Variants in THSD7A observed in about 807,000 individuals in gnomAD.
The protein encoded by THSD7A is thrombospondin type-1 domain-containing protein 7A.
A neutral mutation model predicts 231.3 loss-of-function variants in THSD7A; 96 were observed. That is an observed-to-expected ratio of 0.41 (90% CI 0.35 to 0.49). THSD7A has a LOEUF of 0.49. Ranked by LOEUF, THSD7A falls within the 20% of genes least tolerant of loss-of-function variation. The pLI, the probability that THSD7A is intolerant of heterozygous loss-of-function variation, is 0.05. For missense variants in THSD7A, 2,290 were observed against 2,070.2 expected (o/e 1.11, Z -2.06); for synonymous variants, 940 against 743.3 (o/e 1.26, Z -4.30).
At chr7:11,426,013 C>T (rs1185117894) in intron 15 of THSD7A, among the ~76,000 whole-genome samples, 2 of 150,656 alleles carry the variant, frequency 1.3e-5, no homozygotes, top group Non-Finnish European at 2.9e-5. Flanking sequence ...ACATATGTAA[C>T]TAACCTGCAC....
intron 23 of THSD7A, among the ~76,000 whole-genome samples, chr7:11,393,917 A>G (rs1783080462): frequency 1.3e-5 from 2 of 151,394 alleles, no homozygotes; most frequent in African/African-American, 2.4e-5. Context: ...GATGGGGAGA[A>G]TGGAACCAAG....
chr7:11,616,502 G>C (rs1318820282), intron 2 of THSD7A, among the ~76,000 whole-genome samples: 1 of 152,160 alleles, frequency 6.6e-6, no homozygotes, highest in Non-Finnish European at 1.5e-5. Context: ...ATTTTTTGCA[G>C]TGTATTGCTT....
intron 1 of THSD7A, among the ~76,000 whole-genome samples, chr7:11,828,287 G>A (rs1165074558): frequency 1.3e-5 from 2 of 152,216 alleles, no homozygotes; most frequent in African/African-American, 2.4e-5. Flanking sequence ...TTGAGGTGCT[G>A]TGTACTACTG....
chr7:11,569,682 G>A (rs10046587), intron 4 of THSD7A, among the ~76,000 whole-genome samples: 3,847 of 152,192 alleles, frequency 0.025, 165 homozygotes, highest in African/African-American at 0.086. Context: ...TCTATCTGAA[G>A]GAAAGAAAAT....
At chr7:11,535,133 C>A (rs1583923939) in intron 6 of THSD7A, among the ~76,000 whole-genome samples, 1 of 152,052 alleles carries the variant, frequency 6.6e-6, no homozygotes, top group African/African-American at 2.4e-5. Flanking sequence ...ATTATTTACT[C>A]AATTTTTATC....
At position 11,445,519 on chromosome 7, in the gene THSD7A, A is replaced by ATGTG. The variant is rs10691034; in HGVS notation, c.3064+538_3064+541dup. On this transcript the variant is annotated intron_variant, in intron 13 of 27. Coordinates refer to ENST00000423059, the MANE Select transcript of THSD7A (RefSeq NM_015204.3). ...TTCTTTTTGTTTGTTCGTTTGTTTT[A>ATGTG]TGTGTGTGTGTGTGTGTGTGTGTGT... Among the ~76,000 whole-genome samples the ATGTG allele has an allele frequency of 7.1e-3, 1,055 of 149,170 alleles. 4 individuals carry two copies. Among genetic ancestry groups the ATGTG allele is most frequent in the Middle Eastern group, 0.01 (3 of 286 alleles).
At chr7:11,829,625 TTTCTC>T (rs1422440192) in intron 1 of THSD7A, among the ~76,000 whole-genome samples, 1 of 152,138 alleles carries the variant, frequency 6.6e-6, no homozygotes, top group South Asian at 2.1e-4. Context: ...TGTCACCTCT[TTTCTC>T]TTCCAATTCC....
intron 6 of THSD7A, among the ~76,000 whole-genome samples, chr7:11,520,820 T>C (rs1393176447): frequency 2.0e-5 from 3 of 152,170 alleles, no homozygotes; most frequent in African/African-American, 4.8e-5. Context: ...CCTTCTTCTG[T>C]TGGATAATCC....
intron 1 of THSD7A, among the ~76,000 whole-genome samples, chr7:11,764,360 T>A (rs1782962374): frequency 6.6e-6 from 1 of 152,068 alleles, no homozygotes; most frequent in South Asian, 2.1e-4. Flanking sequence ...GGCGGGTGGA[T>A]CACGAGGTCA....
Position 11,654,456 on chromosome 7 carries a change from A to G in THSD7A, c.191-17495T>C, listed in dbSNP as rs115398570. ...GTTCTTTAATAACTGTGGACACGAC[A>G]TTTTATCTCTAACTAGAAAAATCTT... On this transcript the variant is annotated intron_variant, in intron 1 of 27. Coordinates refer to ENST00000423059, the MANE Select transcript of THSD7A (RefSeq NM_015204.3). Among the ~76,000 whole-genome samples, 1,461 of 152,096 alleles carry G rather than the reference A, an allele frequency of 9.6e-3. 29 individuals are homozygous for G. The highest frequency in any genetic ancestry group is 0.034 in the African/African-American group (1,410 of 41,524).
intron 1 of THSD7A, among the ~76,000 whole-genome samples, chr7:11,702,310 C>G (rs750776689): frequency 7.3e-5 from 11 of 151,152 alleles, no homozygotes; most frequent in Non-Finnish European, 1.6e-4. Context: ...GGCGAAAAAT[C>G]CACGACCAAG....
chr7:11,619,537 T>C (rs1348107429), intron 2 of THSD7A, among the ~76,000 whole-genome samples: 3 of 151,580 alleles, frequency 2.0e-5, no homozygotes, highest in African/African-American at 7.3e-5. Flanking sequence ...GCCTCTGGAG[T>C]AGCTAGGACT....
intron 6 of THSD7A, among the ~76,000 whole-genome samples, chr7:11,538,594 A>G (rs1789012081): frequency 6.6e-6 from 1 of 152,182 alleles, no homozygotes; most frequent in Non-Finnish European, 1.5e-5. Flanking sequence ...AGATCTTTGG[A>G]GTAGGTTCCT....
At chr7:11,825,652 A>G (rs1785003368) in intron 1 of THSD7A, among the ~76,000 whole-genome samples, 2 of 152,188 alleles carry the variant, frequency 1.3e-5, no homozygotes, top group Admixed American at 1.3e-4. Context: ...TACATGCATT[A>G]CCACATTTAA....
At chr7:11,815,388 G>A (rs941021719) in intron 1 of THSD7A, among the ~76,000 whole-genome samples, 22 of 151,968 alleles carry the variant, frequency 1.4e-4, no homozygotes, top group African/African-American at 5.3e-4. Flanking sequence ...TTTATATCAT[G>A]CCTCATCTAC....
intron 1 of THSD7A, among the ~76,000 whole-genome samples, chr7:11,693,821 T>C (rs930836617): frequency 6.6e-6 from 1 of 151,554 alleles, no homozygotes; most frequent in African/African-American, 2.4e-5. Flanking sequence ...ATCTAGAGCA[T>C]GATTATCATT....
intron 4 of THSD7A, among the ~76,000 whole-genome samples, chr7:11,589,858 A>T (rs1209619279): frequency 6.6e-6 from 1 of 152,140 alleles, no homozygotes; most frequent in African/African-American, 2.4e-5. Context: ...TTTTGTATTC[A>T]CTTATTCTTT....
At chr7:11,744,298 G>A (rs1782205170) in intron 1 of THSD7A, among the ~76,000 whole-genome samples, 1 of 151,664 alleles carries the variant, frequency 6.6e-6, no homozygotes, top group African/African-American at 2.4e-5. Flanking sequence ...TCGGGTGGTG[G>A]CAATAAACTT....
intron 6 of THSD7A, among the ~76,000 whole-genome samples, chr7:11,494,634 T>A (rs1167520504): frequency 6.6e-6 from 1 of 152,012 alleles, no homozygotes; most frequent in Non-Finnish European, 1.5e-5. Context: ...AAATCACATT[T>A]TATGGCATTT....
Sources: allele counts gnomAD v4.1 joint callset (sites outside exome capture counted in the v4.1 genomes callset), GRCh38; gene constraint gnomAD v4.1.1; transcripts MANE v1.5; gene names NCBI Gene and HGNC (gene_info 2026-07-23, HGNC 2026-07-21).